The following IL1RAPL1 variants were observed in gnomAD, a reference collection of about 807,000 sequenced individuals.
IL1RAPL1 encodes interleukin-1 receptor accessory protein-like 1.
In IL1RAPL1, 3 loss-of-function variants were observed where a neutral mutation model predicts 48.4. The observed-to-expected ratio is 0.06, with a 90% confidence interval of 0.03 to 0.16. The LOEUF (loss-of-function observed/expected upper bound fraction) is 0.16, where lower values mean the gene tolerates loss of function less well. IL1RAPL1 is among the 10% of genes least tolerant of loss of function. The probability of loss-of-function intolerance (pLI) is 1.00; values close to 1 mark genes in which losing one functional copy is unlikely to be tolerated. For synonymous variants in IL1RAPL1, 185 were observed against 187.7 expected (o/e 0.99, Z 0.12); for missense variants, 349 against 530.6 (o/e 0.66, Z 3.36).
At chrX:29,848,228 G>GGA (rs1249608623) in intron 6 of IL1RAPL1, among the ~76,000 whole-genome samples, 1 of 111,399 alleles carries the variant, frequency 9.0e-6, no homozygotes, top group Non-Finnish European at 1.9e-5. Context: ...TGTGGACTCA[G>GGA]CCTAGAAACT....
At chrX:29,219,314 C>G (rs962897395) in intron 2 of IL1RAPL1, among the ~76,000 whole-genome samples, 5 of 111,438 alleles carry the variant, frequency 4.5e-5, no homozygotes, top group African/African-American at 1.6e-4. Context: ...TGAATATTCT[C>G]TAAGTGTTTT....
intron 2 of IL1RAPL1, among the ~76,000 whole-genome samples, chrX:29,088,128 A>G (rs1309156790): frequency 8.9e-6 from 1 of 111,874 alleles, no homozygotes; most frequent in African/African-American, 3.2e-5. Flanking sequence ...GTTTTTTAGC[A>G]CTCTATCTGG....
chrX:29,175,073 C>CAA (rs3065738), intron 2 of IL1RAPL1, among the ~76,000 whole-genome samples: 26 of 61,486 alleles, frequency 4.2e-4, no homozygotes, highest in African/African-American at 4.4e-4. Flanking sequence ...GACTCCGTCT[C>CAA]AAAAAAAAAA....
chrX:29,582,091 T>C (rs1922981307), intron 5 of IL1RAPL1, among the ~76,000 whole-genome samples: 2 of 111,428 alleles, frequency 1.8e-5, no homozygotes, highest in South Asian at 7.5e-4. Flanking sequence ...CCAGTATTTT[T>C]AGTGCAAGAC....
intron 5 of IL1RAPL1, among the ~76,000 whole-genome samples, chrX:29,660,571 C>A (rs745939079): frequency 1.8e-5 from 2 of 111,874 alleles, no homozygotes; most frequent in Non-Finnish European, 3.8e-5. Flanking sequence ...GTTTCCCACA[C>A]CATTTATTAA....
chrX:28,692,806 T>C (rs1479930687), intron 1 of IL1RAPL1, among the ~76,000 whole-genome samples: 1 of 111,766 alleles, frequency 8.9e-6, no homozygotes, highest in Admixed American at 9.5e-5. Flanking sequence ...GGTGCACGAC[T>C]ATATATACAC....
At chrX:29,846,752 CTATA>C (rs3084827) in intron 6 of IL1RAPL1, among the ~76,000 whole-genome samples, 2 of 93,622 alleles carry the variant, frequency 2.1e-5, no homozygotes, top group East Asian at 3.2e-4. Context: ...TAACCACAGT[CTATA>C]TATATATATA....
chrX:29,770,595 A>C (rs1240260342), intron 6 of IL1RAPL1, among the ~76,000 whole-genome samples: 1 of 112,140 alleles, frequency 8.9e-6, no homozygotes, highest in Non-Finnish European at 1.9e-5. Context: ...AAATAAAGGC[A>C]CATAGAGGCT....
In IL1RAPL1 at chrX:29,226,498, T is replaced by C. The variant is rs768414108; in HGVS notation, c.83-56440T>C. Among the ~76,000 whole-genome samples the C allele has an allele frequency of 6.0e-5, 6 of 99,306 alleles. No individual in the cohort carries two copies. The South Asian group carries it at 2.5e-3, about 42-fold the overall frequency. 86.2% of individuals were successfully genotyped at this position (99,306 alleles called of 115,157 possible). ...TTGCTCTTGGAATGCAGTGGCACAA[T>C]CTCGGCTCACTGCAACCTCCGCCTC... On this transcript the variant is annotated intron_variant, in intron 2 of 10. Coordinates refer to ENST00000378993, the MANE Select transcript of IL1RAPL1 (RefSeq NM_014271.4).
intron 2 of IL1RAPL1, among the ~76,000 whole-genome samples, chrX:28,967,415 C>A (rs1156406301): frequency 9.0e-6 from 1 of 110,851 alleles, no homozygotes; most frequent in Non-Finnish European, 1.9e-5. Flanking sequence ...TATCTACATA[C>A]TGTTCTAAAT....
At chrX:28,779,365 T>G (rs963929776) in intron 1 of IL1RAPL1, among the ~76,000 whole-genome samples, 1 of 108,895 alleles carries the variant, frequency 9.2e-6, no homozygotes, top group South Asian at 4.0e-4. Context: ...GATGATAATG[T>G]TATGGAAATG....
At chrX:29,663,541 G>A (rs1214641273) in intron 5 of IL1RAPL1, among the ~76,000 whole-genome samples, 1 of 112,156 alleles carries the variant, frequency 8.9e-6, no homozygotes, top group Non-Finnish European at 1.9e-5. Flanking sequence ...ATTGGATTAT[G>A]GAGGTATTTA....
intron 6 of IL1RAPL1, among the ~76,000 whole-genome samples, chrX:29,884,555 C>G (rs1036061640): frequency 9.0e-6 from 1 of 111,326 alleles, no homozygotes; most frequent in Non-Finnish European, 1.9e-5. Flanking sequence ...CTTCTCTACT[C>G]TCCCTACTCT....
At chrX:29,189,762 A>C (rs1018980456) in intron 2 of IL1RAPL1, among the ~76,000 whole-genome samples, 6 of 111,555 alleles carry the variant, frequency 5.4e-5, no homozygotes, top group African/African-American at 1.9e-4. Context: ...ATAATGTGTG[A>C]TTCATATTTT....
chrX:29,583,756 G>A (rs1008278811), intron 5 of IL1RAPL1, among the ~76,000 whole-genome samples: 4 of 103,039 alleles, frequency 3.9e-5, no homozygotes, highest in East Asian at 6.0e-4. Flanking sequence ...AGCCCGCATC[G>A]CCAAGTCAAT....
At chrX:29,327,850 G>T (rs980418598) in intron 3 of IL1RAPL1, among the ~76,000 whole-genome samples, 1 of 109,848 alleles carries the variant, frequency 9.1e-6, no homozygotes, top group African/African-American at 3.3e-5. Context: ...ACAACTATTC[G>T]ACTCCACCAT....
At chrX:29,375,091 C>T (rs1933603179) in intron 3 of IL1RAPL1, among the ~76,000 whole-genome samples, 1 of 107,845 alleles carries the variant, frequency 9.3e-6, no homozygotes, top group Non-Finnish European at 1.9e-5. Flanking sequence ...ATTCAAGCTG[C>T]TGAAGCTATA....
chrX:28,978,510 A>G (rs1925258146), intron 2 of IL1RAPL1, among the ~76,000 whole-genome samples: 1 of 111,992 alleles, frequency 8.9e-6, no homozygotes, highest in Non-Finnish European at 1.9e-5. Context: ...CAAAGGCCAG[A>G]TTGTAACCAA....
At chrX:29,106,708 T>G (rs1928455097) in intron 2 of IL1RAPL1, among the ~76,000 whole-genome samples, 1 of 112,037 alleles carries the variant, frequency 8.9e-6, no homozygotes, top group Admixed American at 9.5e-5. Context: ...TAATCTAGGT[T>G]GAGAGAAAAG....
Sources: allele counts gnomAD v4.1 joint callset (sites outside exome capture counted in the v4.1 genomes callset), GRCh38; gene constraint gnomAD v4.1.1; transcripts MANE v1.5; gene names NCBI Gene and HGNC (gene_info 2026-07-23, HGNC 2026-07-21).